CNTNAP2: variants seen among roughly 807,000 people sequenced by gnomAD.
CNTNAP2 encodes the protein contactin associated protein 2, also known as contactin-associated protein-like 2.
In CNTNAP2, 98 loss-of-function variants were observed where a neutral mutation model predicts 155.2. The observed-to-expected ratio is 0.63, with a 90% CI of 0.54 to 0.75. The LOEUF (loss-of-function observed/expected upper bound fraction) is 0.75, where lower values mean the gene tolerates loss of function less well. Among genes scored for constraint, CNTNAP2 ranks in the 30% least tolerant of loss-of-function variants. CNTNAP2 has a pLI of 0.00. For synonymous variants in CNTNAP2, 651 were observed against 631.2 expected (o/e 1.03, Z -0.47); for missense variants, 1,727 against 1,688.1 (o/e 1.02, Z -0.40).
At chr7:147,919,567 T>A (rs577101423) in intron 14 of CNTNAP2, among the ~76,000 whole-genome samples, 127 of 150,664 alleles carry the variant, frequency 8.4e-4, no homozygotes, top group Non-Finnish European at 1.1e-3. Context: ...CATGCCATTC[T>A]CTTGCCTCAG....
chr7:148,113,290 C>T (rs1236029901), intron 15 of CNTNAP2, among the ~76,000 whole-genome samples: 15 of 152,236 alleles, frequency 9.9e-5, no homozygotes, highest in Admixed American at 9.2e-4. Context: ...ACACATACCC[C>T]GTGGATGGAG....
chr7:146,348,779 A>C (rs1794867792), intron 1 of CNTNAP2, among the ~76,000 whole-genome samples: 1 of 149,732 alleles, frequency 6.7e-6, no homozygotes, highest in South Asian at 2.1e-4. Context: ...ATGGGTGTTA[A>C]GATGTTTTTT....
At chr7:146,354,339 T>C (rs1794965387) in intron 1 of CNTNAP2, among the ~76,000 whole-genome samples, 1 of 152,184 alleles carries the variant, frequency 6.6e-6, no homozygotes, top group African/African-American at 2.4e-5. Flanking sequence ...ATTATAGTTA[T>C]TTCTGTAGAC....
intron 8 of CNTNAP2, among the ~76,000 whole-genome samples, chr7:147,276,709 T>G (rs527961760): frequency 6.6e-6 from 1 of 152,166 alleles, no homozygotes; most frequent in Admixed American, 6.6e-5. Context: ...AAGGTCTTCT[T>G]GTATATTGGG....
chr7:146,903,515 G>A (rs894455088), intron 3 of CNTNAP2, among the ~76,000 whole-genome samples: 2 of 152,110 alleles, frequency 1.3e-5, no homozygotes, highest in African/African-American at 4.8e-5. Context: ...TTCCATCTTA[G>A]AAATGACAAC....
intron 15 of CNTNAP2, among the ~76,000 whole-genome samples, chr7:148,097,366 TAAAAAA>T (rs1237943833): frequency 2.6e-5 from 3 of 116,684 alleles, no homozygotes; most frequent in Non-Finnish European, 5.3e-5. Flanking sequence ...AAAAAAACCA[TAAAAAA>T]TAAAAATAAA....
intron 1 of CNTNAP2, among the ~76,000 whole-genome samples, chr7:146,280,468 T>A (rs146746709): frequency 1.1e-3 from 168 of 152,304 alleles, no homozygotes; most frequent in African/African-American, 3.7e-3. Flanking sequence ...TGCCTTTTGA[T>A]ATTAAGGCCA....
intron 13 of CNTNAP2, among the ~76,000 whole-genome samples, chr7:147,664,320 G>A (rs1179176899): frequency 6.6e-6 from 1 of 152,208 alleles, no homozygotes; most frequent in Non-Finnish European, 1.5e-5. Flanking sequence ...CTGACAGGAA[G>A]AGTGAAGAAG....
chr7:146,346,394 G>A (rs979366315), intron 1 of CNTNAP2, among the ~76,000 whole-genome samples: 1 of 152,140 alleles, frequency 6.6e-6, no homozygotes, highest in Admixed American at 6.5e-5. Context: ...TTGTAAGAAT[G>A]TAACTGGCTG....
At chr7:146,737,147 ATATTTT>A (rs1477972980) in intron 1 of CNTNAP2, among the ~76,000 whole-genome samples, 2 of 152,126 alleles carry the variant, frequency 1.3e-5, no homozygotes, top group African/African-American at 4.8e-5. Flanking sequence ...GTTACAAGAC[ATATTTT>A]TATTTATAGT....
At chr7:148,413,209 C>T (rs1437688167) in intron 23 of CNTNAP2, among the ~76,000 whole-genome samples, 4 of 150,716 alleles carry the variant, frequency 2.7e-5, no homozygotes, top group Non-Finnish European at 5.9e-5. Flanking sequence ...CTAGCCAACA[C>T]AGTGAAACCC....
At chr7:148,289,232 G>A (rs58149184) in intron 21 of CNTNAP2, among the ~76,000 whole-genome samples, 1,671 of 152,304 alleles carry the variant, frequency 0.011, 34 homozygotes, top group African/African-American at 0.037. Context: ...TTGGAAAGGA[G>A]AAGGTGAATC....
At chr7:146,908,289 C>T (rs1467513875) in intron 3 of CNTNAP2, among the ~76,000 whole-genome samples, 2 of 150,234 alleles carry the variant, frequency 1.3e-5, no homozygotes, top group African/African-American at 4.9e-5. Context: ...CTCAGCTCTG[C>T]ACCAAGCGGA....
intron 8 of CNTNAP2, among the ~76,000 whole-genome samples, chr7:147,274,327 C>T (rs1208120846): frequency 6.6e-6 from 1 of 152,032 alleles, no homozygotes; most frequent in Admixed American, 6.6e-5. Flanking sequence ...ATGTTTTTGA[C>T]TTTTTAGTAA....
At chr7:146,311,625 A>AAAAAG (rs1800823658) in intron 1 of CNTNAP2, 7 of 145,802 alleles carry the variant, frequency 4.8e-5, no homozygotes, top group African/African-American at 1.6e-4. Flanking sequence ...AAAAAAAAAA[A>AAAAAG]AAAGAAAGAA....
At chr7:147,130,443 C>G (rs1457218151) in intron 7 of CNTNAP2, among the ~76,000 whole-genome samples, 1 of 152,020 alleles carries the variant, frequency 6.6e-6, no homozygotes, top group Non-Finnish European at 1.5e-5. Flanking sequence ...CAGACTGAGA[C>G]TCTGTCCCCC....
At chr7:147,873,189 A>G (rs1376298764) in intron 13 of CNTNAP2, among the ~76,000 whole-genome samples, 3 of 152,234 alleles carry the variant, frequency 2.0e-5, no homozygotes, top group African/African-American at 7.2e-5. Flanking sequence ...CTTACCACTA[A>G]GGAGCTCTAA....
chr7:146,535,995 G>A (rs1179556028), intron 1 of CNTNAP2, among the ~76,000 whole-genome samples: 1 of 152,008 alleles, frequency 6.6e-6, no homozygotes, highest in Admixed American at 6.6e-5. Flanking sequence ...TCTTCATCAG[G>A]AACTTCAGCA....
intron 10 of CNTNAP2, among the ~76,000 whole-genome samples, chr7:147,441,722 G>A (rs995216863): frequency 1.4e-4 from 22 of 152,038 alleles, no homozygotes; most frequent in South Asian, 6.2e-4. Flanking sequence ...CATCTTGATC[G>A]TCTTAAAGAA....
Sources: allele counts gnomAD v4.1 joint callset (sites outside exome capture counted in the v4.1 genomes callset), GRCh38; gene constraint gnomAD v4.1.1; transcripts MANE v1.5; gene names NCBI Gene and HGNC (gene_info 2026-07-23, HGNC 2026-07-21).